The following OPCML variants were observed in gnomAD, a reference collection of about 807,000 sequenced individuals.
The protein encoded by OPCML is opioid binding protein/cell adhesion molecule like.
A neutral mutation model predicts 37.8 loss-of-function variants in OPCML; 13 were observed. That is an observed-to-expected ratio of 0.34 (90% CI 0.22 to 0.55). OPCML has a LOEUF of 0.55. Ranked by LOEUF, OPCML falls within the 20% of genes least tolerant of loss-of-function variation. The pLI is 0.91. For missense variants in OPCML, 341 were observed against 435.6 expected (o/e 0.78, Z 1.93); for synonymous variants, 176 against 168.8 (o/e 1.04, Z -0.33).
At chr11:133,377,460 G>A (rs1443314030) in intron 1 of OPCML, among the ~76,000 whole-genome samples, 1 of 151,836 alleles carries the variant, frequency 6.6e-6, no homozygotes, top group Non-Finnish European at 1.5e-5. Flanking sequence ...GGCAAGATGT[G>A]GGAAGGATGC....
intron 2 of OPCML, among the ~76,000 whole-genome samples, chr11:132,901,120 C>T (rs576237797): frequency 2.4e-4 from 37 of 152,182 alleles, no homozygotes; most frequent in African/African-American, 7.9e-4. Flanking sequence ...GCGGAGGTTA[C>T]AGGGAGCCAC....
chr11:133,094,202 C>A (rs1276931246), intron 1 of OPCML, among the ~76,000 whole-genome samples: 1 of 152,032 alleles, frequency 6.6e-6, no homozygotes, highest in African/African-American at 2.4e-5. Context: ...GTTTGCAGAT[C>A]AAAGTTTCTT....
intron 3 of OPCML, among the ~76,000 whole-genome samples, chr11:132,635,364 T>G (rs1379918246): frequency 2.0e-5 from 3 of 152,092 alleles, no homozygotes; most frequent in African/African-American, 4.8e-5. Flanking sequence ...AAGAAAACAA[T>G]AACAAAAACA....
intron 3 of OPCML, among the ~76,000 whole-genome samples, chr11:132,582,113 TG>T: frequency 9.0e-6 from 1 of 111,276 alleles, no homozygotes; most frequent in Non-Finnish European, 2.0e-5. Context: ...TTTGTGTGTG[TG>T]TGTGTGTGTG....
At chr11:133,075,835 T>C (rs1340425466) in intron 1 of OPCML, among the ~76,000 whole-genome samples, 1 of 152,146 alleles carries the variant, frequency 6.6e-6, no homozygotes, top group African/African-American at 2.4e-5. Context: ...GATTCCTAAG[T>C]CGGTGTGGAA....
chr11:132,650,483 T>C (rs1941375304), intron 3 of OPCML, among the ~76,000 whole-genome samples: 1 of 152,148 alleles, frequency 6.6e-6, no homozygotes, highest in Admixed American at 6.5e-5. Flanking sequence ...AGAAAAGTCC[T>C]TAACCTAATT....
chr11:132,470,796 C>A (rs997784742), intron 4 of OPCML, among the ~76,000 whole-genome samples: 3 of 152,194 alleles, frequency 2.0e-5, no homozygotes, highest in Non-Finnish European at 2.9e-5. Context: ...CATGTTCATG[C>A]TCTTAACCAT....
chr11:132,556,719 C>T (rs557328618), intron 3 of OPCML, among the ~76,000 whole-genome samples: 2 of 152,296 alleles, frequency 1.3e-5, no homozygotes, highest in South Asian at 4.2e-4. Flanking sequence ...CACTCACCCT[C>T]GGCTGGCCTG....
chr11:133,497,656 G>A (rs144420005), intron 1 of OPCML, among the ~76,000 whole-genome samples: 9 of 152,212 alleles, frequency 5.9e-5, no homozygotes, highest in East Asian at 1.9e-4. Flanking sequence ...TTGAGTATGC[G>A]TACAGAGCAC....
At chr11:133,246,860 C>T (rs1392537432) in intron 1 of OPCML, among the ~76,000 whole-genome samples, 1 of 152,130 alleles carries the variant, frequency 6.6e-6, no homozygotes, top group Non-Finnish European at 1.5e-5. Flanking sequence ...CAAATTAAAA[C>T]CTATTAGGTG....
chr11:132,470,794 T>C (rs1225960613), intron 4 of OPCML, among the ~76,000 whole-genome samples: 1 of 152,236 alleles, frequency 6.6e-6, no homozygotes, highest in Non-Finnish European at 1.5e-5. Flanking sequence ...CCCATGTTCA[T>C]GCTCTTAACC....
At chr11:133,325,042 C>T (rs778581125) in intron 1 of OPCML, among the ~76,000 whole-genome samples, 1 of 152,170 alleles carries the variant, frequency 6.6e-6, no homozygotes, top group Non-Finnish European at 1.5e-5. Flanking sequence ...TCTGGGTTCT[C>T]TGGATGAAGC....
At chr11:132,863,340 G>A (rs1162650344) in intron 2 of OPCML, among the ~76,000 whole-genome samples, 1 of 152,182 alleles carries the variant, frequency 6.6e-6, no homozygotes, top group Non-Finnish European at 1.5e-5. Flanking sequence ...AACATATTCA[G>A]CTGAAAAGAG....
At chr11:132,729,833 A>T (rs1945013745) in intron 2 of OPCML, among the ~76,000 whole-genome samples, 1 of 152,150 alleles carries the variant, frequency 6.6e-6, no homozygotes. Flanking sequence ...GCCCAGGTAC[A>T]CATGAAGGGG....
At chr11:133,279,640 A>G (rs939487065) in intron 1 of OPCML, among the ~76,000 whole-genome samples, 8 of 151,946 alleles carry the variant, frequency 5.3e-5, no homozygotes, top group African/African-American at 1.9e-4. Context: ...CCTCCACCCC[A>G]TGCCCGGCTG....
intron 1 of OPCML, among the ~76,000 whole-genome samples, chr11:133,218,101 C>T (rs1670575): frequency 0.079 from 11,919 of 151,272 alleles, 515 homozygotes; most frequent in Non-Finnish European, 0.1. Context: ...TGCTTCACGC[C>T]GGGGTTTTGT....
intron 1 of OPCML, chr11:133,067,264 G>A (rs1341514044): frequency 2.0e-5 from 3 of 152,120 alleles, no homozygotes; most frequent in African/African-American, 7.2e-5. Context: ...TCATTTGCTC[G>A]GAGATCTGCA....
chr11:132,731,183 T>G (rs1244329092), intron 2 of OPCML, among the ~76,000 whole-genome samples: 1 of 152,214 alleles, frequency 6.6e-6, no homozygotes, highest in Non-Finnish European at 1.5e-5. Flanking sequence ...AATGTGTATT[T>G]AAATTTATTA....
intron 1 of OPCML, among the ~76,000 whole-genome samples, chr11:133,196,651 T>C (rs74788614): frequency 0.015 from 2,267 of 152,176 alleles, 36 homozygotes; most frequent in Middle Eastern, 0.024. Context: ...AAAGCCAGCA[T>C]AGAGTAATGG....
Sources: allele counts gnomAD v4.1 joint callset (sites outside exome capture counted in the v4.1 genomes callset), GRCh38; gene constraint gnomAD v4.1.1; transcripts MANE v1.5; gene names NCBI Gene and HGNC (gene_info 2026-07-23, HGNC 2026-07-21).